ZNF83: variants seen among roughly 807,000 people sequenced by gnomAD.
The protein encoded by ZNF83 is zinc finger protein 816B.
For missense variants in ZNF83, 552 were observed against 629.9 expected (o/e 0.88, Z 1.32); for synonymous variants, 209 against 213.0 (o/e 0.98, Z 0.17).
chr19:52,676,260 G>C (rs948147246), intron 1 of ZNF83, among the ~76,000 whole-genome samples: 2 of 152,238 alleles, frequency 1.3e-5, no homozygotes, highest in Admixed American at 1.3e-4. Flanking sequence ...CGGGATTGCA[G>C]ACGGAGTCTC....
At chr19:52,662,040 G>C (rs2061587468) in intron 1 of ZNF83, among the ~76,000 whole-genome samples, 1 of 149,668 alleles carries the variant, frequency 6.7e-6, no homozygotes, top group South Asian at 2.1e-4. Flanking sequence ...CAGGAGATGA[G>C]ATCAGGGAGG....
intron 1 of ZNF83, among the ~76,000 whole-genome samples, chr19:52,676,354 G>A (rs2061805007): frequency 1.3e-5 from 2 of 152,172 alleles, no homozygotes; most frequent in Non-Finnish European, 2.9e-5. Context: ...CCAGCCGCCT[G>A]CCTTGGCCTC....
intron 2 of ZNF83, among the ~76,000 whole-genome samples, chr19:52,656,533 T>G (rs572264728): frequency 6.6e-6 from 1 of 151,746 alleles, no homozygotes; most frequent in Admixed American, 6.6e-5. Context: ...AAAATAAAAA[T>G]ATATGTATGT....
exon 3 of ZNF83, chr19:52,614,283 T>G (rs771090046): frequency 1.2e-6 from 2 of 1,614,128 alleles, no homozygotes; most frequent in Non-Finnish European, 1.7e-6. Context: ...GCTCACTACA[T>G]TTGTAGTGTT....
intron 1 of ZNF83, among the ~76,000 whole-genome samples, chr19:52,687,416 T>C (rs2062039124): frequency 1.9e-5 from 1 of 53,202 alleles, no homozygotes; most frequent in South Asian, 5.3e-4. Flanking sequence ...ATATAAATTA[T>C]AATATAAATT....
At chr19:52,656,791 G>A (rs1393028746) in intron 2 of ZNF83, among the ~76,000 whole-genome samples, 6 of 150,754 alleles carry the variant, frequency 4.0e-5, no homozygotes, top group Non-Finnish European at 5.9e-5. Context: ...ACTTGAACTC[G>A]GGAGGCTGAG....
chr19:52,672,799 C>T (rs1201600424), intron 1 of ZNF83, among the ~76,000 whole-genome samples: 2 of 152,050 alleles, frequency 1.3e-5, no homozygotes, highest in African/African-American at 2.4e-5. Context: ...GGGGTTTCAC[C>T]GTGTTGGCCA....
chr19:52,619,203 T>A lies in ZNF83; in HGVS notation c.-233-4406A>T, dbSNP rs2060439529. The A allele has an allele frequency of 1.9e-6, 3 of 1,590,104 alleles. 1 individual carries two copies. The highest frequency in any genetic ancestry group is 1.7e-5 in the Admixed American group (1 of 59,556). The stretch of plus-strand genomic sequence containing the variant: ...GAGTAAGGGATTTTTCACCACATGA[T>A]GTCTTCCCAGTGGTGTTTGATTATA... On this transcript the variant is annotated intron_variant, in intron 2 of 2. Transcript: ENST00000301096.
At chr19:52,647,709 G>C (rs802877) in intron 3 of ZNF83, among the ~76,000 whole-genome samples, 121,467 of 150,970 alleles carry the variant, frequency 0.8, 49,440 homozygotes, top group African/African-American at 0.93. Flanking sequence ...CCTCTCTTCT[G>C]CTGCTGTTTA....
At chr19:52,661,261 C>T (rs1437077160) in intron 1 of ZNF83, among the ~76,000 whole-genome samples, 1 of 152,176 alleles carries the variant, frequency 6.6e-6, no homozygotes, top group Non-Finnish European at 1.5e-5. Flanking sequence ...CTGCCCACTG[C>T]ACCAGAGATC....
chr19:52,673,402 C>G (rs974762703), intron 1 of ZNF83, among the ~76,000 whole-genome samples: 1 of 152,052 alleles, frequency 6.6e-6, no homozygotes, highest in Non-Finnish European at 1.5e-5. Context: ...ATTCAGGAGG[C>G]TGTGGCAGGA....
At chr19:52,657,944 C>G (rs2061528470) in intron 2 of ZNF83, among the ~76,000 whole-genome samples, 1 of 151,770 alleles carries the variant, frequency 6.6e-6, no homozygotes, top group Non-Finnish European at 1.5e-5. Context: ...CAAGACCAGC[C>G]TGATCAACAT....
At chr19:52,612,779 G>T in exon 3 of ZNF83, 2 of 493,522 alleles carry the variant, frequency 4.1e-6, no homozygotes, top group Non-Finnish European at 7.1e-6. Flanking sequence ...ACATTTGTTA[G>T]GTTTCTCACC....
At chr19:52,613,378 G>T in exon 3 of ZNF83, 1 of 1,613,708 alleles carries the variant, frequency 6.2e-7, no homozygotes, top group East Asian at 2.2e-5. Flanking sequence ...TTTCTCTCCA[G>T]TATGGATTCT....
At chr19:52,684,158 C>T (rs1342865225) in intron 1 of ZNF83, among the ~76,000 whole-genome samples, 1 of 152,042 alleles carries the variant, frequency 6.6e-6, no homozygotes, top group Non-Finnish European at 1.5e-5. Flanking sequence ...CACTTGAGGT[C>T]AGGAGTTTGA....
chr19:52,613,906 A>C, exon 3 of ZNF83: 1 of 1,613,798 alleles, frequency 6.2e-7, no homozygotes, highest in Non-Finnish European at 8.5e-7. Context: ...ATGTTGTGCA[A>C]GGTGTGAAAT....
intron 2 of ZNF83, among the ~76,000 whole-genome samples, chr19:52,632,444 C>T (rs2061003308): frequency 6.6e-6 from 1 of 152,158 alleles, no homozygotes; most frequent in Admixed American, 6.5e-5. Context: ...TTCCAGACAC[C>T]AGACCAACTT....
At chr19:52,682,123 G>A (rs1386388593) in intron 1 of ZNF83, among the ~76,000 whole-genome samples, 4 of 151,918 alleles carry the variant, frequency 2.6e-5, no homozygotes, top group African/African-American at 4.8e-5. Context: ...TGGGATTACG[G>A]GCATGAGCCA....
intron 2 of ZNF83, among the ~76,000 whole-genome samples, chr19:52,658,779 C>G (rs2061540195): frequency 6.6e-6 from 1 of 152,110 alleles, no homozygotes. Context: ...ATTAACTAAC[C>G]TTTGAGCCAG....
Sources: gnomAD v4.1 joint callset for allele counts (sites outside exome capture counted in the v4.1 genomes callset) on GRCh38, gnomAD v4.1.1 for gene constraint, MANE v1.5 for transcripts, NCBI Gene and HGNC (gene_info 2026-07-23, HGNC 2026-07-21) for gene names.